The following FGF14 variants were observed in gnomAD, a reference collection of about 807,000 sequenced individuals.
The protein encoded by FGF14 is fibroblast growth factor 14.
In FGF14, 5 loss-of-function variants were observed where a neutral mutation model predicts 25.5. That is an observed-to-expected ratio of 0.20 (90% CI 0.10 to 0.41). FGF14 has a LOEUF of 0.41. FGF14 is among the 10% of genes least tolerant of loss of function. The probability of loss-of-function intolerance (pLI) is 1.00; values close to 1 mark genes in which losing one functional copy is unlikely to be tolerated. For synonymous variants in FGF14, 138 were observed against 118.3 expected (o/e 1.17, Z -1.08); for missense variants, 222 against 320.1 (o/e 0.69, Z 2.34).
chr13:102,225,527 G>A (rs2050791602), intron 1 of FGF14, among the ~76,000 whole-genome samples: 1 of 152,142 alleles, frequency 6.6e-6, no homozygotes. Context: ...AGTTCAATAA[G>A]GGATTTATTT....
intron 1 of FGF14, among the ~76,000 whole-genome samples, chr13:101,949,238 T>C (rs2036005025): frequency 6.6e-6 from 1 of 152,200 alleles, no homozygotes; most frequent in Admixed American, 6.5e-5. Flanking sequence ...GGTGGCCCAA[T>C]ATTTGTCCCT....
chr13:101,877,887 G>A (rs941621773), intron 1 of FGF14, among the ~76,000 whole-genome samples: 2 of 152,090 alleles, frequency 1.3e-5, no homozygotes, highest in Non-Finnish European at 2.9e-5. Context: ...TAAAACAAAT[G>A]GGTTGCTCAA....
At chr13:101,997,541 T>C (rs1183239700) in intron 1 of FGF14, among the ~76,000 whole-genome samples, 1 of 152,248 alleles carries the variant, frequency 6.6e-6, no homozygotes, top group Non-Finnish European at 1.5e-5. Context: ...CTTAAAATCA[T>C]GCTTAAAAGC....
chr13:102,281,703 T>C (rs2053842173), intron 1 of FGF14, among the ~76,000 whole-genome samples: 1 of 151,968 alleles, frequency 6.6e-6, no homozygotes, highest in South Asian at 2.1e-4. Flanking sequence ...TTTTTTTTTT[T>C]TTTTTAAGTT....
intron 3 of FGF14, among the ~76,000 whole-genome samples, chr13:101,763,456 T>C (rs1479677771): frequency 1.3e-5 from 2 of 152,234 alleles, no homozygotes; most frequent in African/African-American, 2.4e-5. Flanking sequence ...AATGACAAGA[T>C]TGAGACAGGC....
chr13:101,718,454 A>AATC lies in FGF14; in HGVS notation c.*4374_*4376dup, dbSNP rs1421469747. On this transcript the variant is annotated 3_prime_UTR_variant, in exon 5 of 5. Coordinates refer to ENST00000376143, the MANE Select transcript of FGF14 (RefSeq NM_004115.4). ...TGTAATGGGTGAGAGAAAATAAGCA[A>AATC]ATCTCATTGGCTCATTCCTGTTTTT... 6.6e-6 allele frequency: 1 copy of AATC among 152,158 alleles called. No individual in the cohort carries two copies. Among genetic ancestry groups the AATC allele is most frequent in the Admixed American group, 6.6e-5 (1 of 15,252 alleles). The allele number at this position is 152,158 out of a possible 1,614,324, so 9.4% of individuals were successfully genotyped here. A position where few individuals can be genotyped will look rare whatever the true frequency, so the allele number is the denominator to read the frequency against.
chr13:102,340,237 C>T (rs1477600505), intron 1 of FGF14, among the ~76,000 whole-genome samples: 1 of 152,186 alleles, frequency 6.6e-6, no homozygotes, highest in Non-Finnish European at 1.5e-5. Context: ...ATCCCCACAT[C>T]TTTTGCCATT....
intron 1 of FGF14, among the ~76,000 whole-genome samples, chr13:102,104,302 A>G (rs1273315401): frequency 6.6e-6 from 1 of 152,206 alleles, no homozygotes; most frequent in Non-Finnish European, 1.5e-5. Context: ...ATTTCTGACA[A>G]TATCTTCAGA....
chr13:102,101,271 A>G (rs558513054), intron 1 of FGF14, among the ~76,000 whole-genome samples: 43 of 152,316 alleles, frequency 2.8e-4, no homozygotes, highest in Non-Finnish European at 5.6e-4. Flanking sequence ...TTATTCAGAA[A>G]AATTGTTATT....
At chr13:101,943,561 T>C (rs1175307452) in intron 1 of FGF14, among the ~76,000 whole-genome samples, 1 of 151,924 alleles carries the variant, frequency 6.6e-6, no homozygotes, top group Non-Finnish European at 1.5e-5. Context: ...GTTGCAGGGG[T>C]TGAGAAAAGC....
chr13:102,256,975 A>G (rs1368273628), intron 1 of FGF14, among the ~76,000 whole-genome samples: 1 of 152,186 alleles, frequency 6.6e-6, no homozygotes, highest in African/African-American at 2.4e-5. Flanking sequence ...CACTTTTCAC[A>G]TGGAATTAAC....
chr13:102,216,369 T>C (rs1220330937), intron 1 of FGF14, among the ~76,000 whole-genome samples: 2 of 152,178 alleles, frequency 1.3e-5, no homozygotes, highest in African/African-American at 4.8e-5. Context: ...GGGACAATCA[T>C]TTATTCACAG....
intron 1 of FGF14, among the ~76,000 whole-genome samples, chr13:102,111,777 CAAAA>C (rs10602468): frequency 0.57 from 78,234 of 137,660 alleles, 22,096 homozygotes; most frequent in East Asian, 0.76. Context: ...AACCATCAAA[CAAAA>C]AAAAAAAAAA....
intron 1 of FGF14, among the ~76,000 whole-genome samples, chr13:102,163,459 G>A (rs1338705391): frequency 3.3e-5 from 5 of 152,136 alleles, no homozygotes; most frequent in Admixed American, 1.3e-4. Context: ...CTCTGCCATC[G>A]AGGAAGTTTA....
At chr13:102,145,924 T>C (rs2046835937) in intron 1 of FGF14, among the ~76,000 whole-genome samples, 1 of 152,212 alleles carries the variant, frequency 6.6e-6, no homozygotes, top group African/African-American at 2.4e-5. Context: ...ATCATTCCTA[T>C]TTATTTTTCA....
chr13:102,263,139 T>C, intron 1 of FGF14: 4 of 606,174 alleles, frequency 6.6e-6, no homozygotes, highest in Non-Finnish European at 1.3e-5. Flanking sequence ...ATGGGATGAT[T>C]TTGCTTTTGT....
chr13:101,879,951 T>C (rs1305473063), intron 1 of FGF14, among the ~76,000 whole-genome samples: 1 of 152,142 alleles, frequency 6.6e-6, no homozygotes, highest in Admixed American at 6.6e-5. Flanking sequence ...TCCAAAGGAC[T>C]GAGAAAATAA....
intron 1 of FGF14, among the ~76,000 whole-genome samples, chr13:102,233,408 G>C (rs1050945380): frequency 2.0e-5 from 3 of 152,004 alleles, no homozygotes; most frequent in Non-Finnish European, 2.9e-5. Flanking sequence ...TGGGATTCCA[G>C]GCCTGAGCCA....
chr13:101,929,067 C>T (rs1055067105), intron 1 of FGF14, among the ~76,000 whole-genome samples: 3 of 152,148 alleles, frequency 2.0e-5, no homozygotes, highest in South Asian at 2.1e-4. Context: ...TACATTAATG[C>T]GTCTATTGAG....
Sources: allele counts gnomAD v4.1 joint callset (sites outside exome capture counted in the v4.1 genomes callset), GRCh38; gene constraint gnomAD v4.1.1; transcripts MANE v1.5; gene names NCBI Gene and HGNC (gene_info 2026-07-23, HGNC 2026-07-21).